The following SLC25A25 variants were observed in gnomAD, a reference collection of about 807,000 sequenced individuals.
SLC25A25 encodes mitochondrial adenyl nucleotide antiporter SLC25A25.
In SLC25A25, 32 loss-of-function variants were observed where a neutral mutation model predicts 57.7. The ratio of observed to expected loss-of-function variants is 0.55; its 90% CI spans 0.42 to 0.74. The LOEUF is 0.74. SLC25A25 is among the 30% of genes least tolerant of loss of function. The pLI is 0.00. For missense variants in SLC25A25, 556 were observed against 701.3 expected (o/e 0.79, Z 2.34); for synonymous variants, 306 against 291.2 (o/e 1.05, Z -0.52).
chr9:128,098,964 C>T (rs1019954829), intron 1 of SLC25A25: 1 of 985,286 alleles, frequency 1.0e-6, no homozygotes, highest in African/African-American at 1.7e-5. Context: ...AATGGACTTT[C>T]AGAAAGGAAA....
chr9:128,069,918 ATTTTTTT>A (rs758820179), intron 1 of SLC25A25, among the ~76,000 whole-genome samples: 3 of 103,060 alleles, frequency 2.9e-5, no homozygotes, highest in African/African-American at 1.3e-4. Flanking sequence ...CACCCAGCTA[ATTTTTTT>A]TTTTTTTTTT....
intron 1 of SLC25A25, among the ~76,000 whole-genome samples, chr9:128,092,536 G>C (rs144943583): frequency 2.1e-4 from 32 of 152,230 alleles, no homozygotes; most frequent in Admixed American, 1.6e-3. Flanking sequence ...CCCTTGCCTG[G>C]GTCCGACCCA....
intron 1 of SLC25A25, chr9:128,090,871 A>G (rs1833387964): frequency 6.6e-6 from 1 of 152,242 alleles, no homozygotes; most frequent in Non-Finnish European, 1.5e-5. Flanking sequence ...TCAGCGAGGA[A>G]TGACAGTAGC....
chr9:128,106,176 G>A lies in SLC25A25; in HGVS notation c.963G>A (p.Gln321=). The stretch of plus-strand genomic sequence containing the variant: ...TCAAGCGCCTTGTTGGTAGTGACCA[G>A]GAGACTCTGAGGATTCACGAGAGGC... The part of the protein sequence containing the change: ...EQIKRLVGSD[Q]ETLRIHERLV... The change falls in exon 8 of 11, where the codon CAG becomes CAA. Residue 321 remains glutamine, a synonymous_variant. Coordinates refer to ENST00000373069, the MANE Select transcript of SLC25A25 (RefSeq NM_001330988.2). The A allele has an allele frequency of 6.2e-7, 1 of 1,614,254 alleles. No homozygotes were observed.
rs1588785275 is a variant in SLC25A25 at position 128,101,973 on chromosome 9, G to A, written c.477-107G>A. On this transcript the variant is annotated intron_variant, in intron 3 of 10. Transcript: ENST00000373069. The surrounding 1 kb of genome is among the most constrained non-coding windows in gnomAD (Gnocchi z 4.9). Reference sequence around the variant, plus strand: ...TGCTGTGGCGGGCTCGTCTCGTGCCGTGCTGTGCCCCTGTCTCTGGGTGTG... The same window carrying A: ...TGCTGTGGCGGGCTCGTCTCGTGCCATGCTGTGCCCCTGTCTCTGGGTGTG... 28 of 1,306,820 alleles carry A rather than the reference G, an allele frequency of 2.1e-5. No homozygotes were observed. The highest frequency in any genetic ancestry group is 1.0e-4 in the East Asian group (4 of 39,766). 81.0% of individuals were successfully genotyped at this position (1,306,820 alleles called of 1,614,324 possible).
At chr9:128,075,096 C>T (rs1413181181) in intron 1 of SLC25A25, among the ~76,000 whole-genome samples, 1 of 152,182 alleles carries the variant, frequency 6.6e-6, no homozygotes, top group Non-Finnish European at 1.5e-5. Flanking sequence ...AAGATCACGC[C>T]ACTGCACTCC....
chr9:128,092,021 A>G (rs1833423351), intron 1 of SLC25A25: 6 of 1,614,000 alleles, frequency 3.7e-6, no homozygotes, highest in Non-Finnish European at 5.1e-6. Context: ...ACAGGACGGA[A>G]GGGCTGAGGC....
chr9:128,091,073 G>C (rs1489470227), intron 1 of SLC25A25: 1 of 152,282 alleles, frequency 6.6e-6, no homozygotes, highest in African/African-American at 2.4e-5. Context: ...AGTAGCTGCT[G>C]TGATGTGGCA....
intron 1 of SLC25A25, among the ~76,000 whole-genome samples, chr9:128,073,065 T>C (rs975588715): frequency 5.3e-5 from 8 of 152,138 alleles, no homozygotes; most frequent in African/African-American, 1.9e-4. Context: ...AGTAAGCAAG[T>C]CAGTAAAATG....
intron 9 of SLC25A25, among the ~76,000 whole-genome samples, 197 bp downstream of exon 9, chr9:128,106,717 C>T (rs976763202): frequency 6.6e-6 from 1 of 152,178 alleles, no homozygotes; most frequent in Non-Finnish European, 1.5e-5. Flanking sequence ...GAGCCCTGCA[C>T]CCAGGCTCTG....
chr9:128,081,562 C>T (rs771338556), intron 1 of SLC25A25, among the ~76,000 whole-genome samples: 2 of 152,018 alleles, frequency 1.3e-5, no homozygotes, highest in Non-Finnish European at 2.9e-5. Flanking sequence ...ATACCATATT[C>T]ACCCCCTGCT....
chr9:128,086,454 C>T (rs1046680389), intron 1 of SLC25A25, among the ~76,000 whole-genome samples: 10 of 151,890 alleles, frequency 6.6e-5, no homozygotes, highest in African/African-American at 2.4e-4. Context: ...CTGCCTCAGC[C>T]TCCAAAGTAG....
chr9:128,102,403 G>T lies in SLC25A25; in HGVS notation c.546G>T (p.Trp182Cys). The T allele has an allele frequency of 6.2e-7, 1 of 1,613,998 alleles. No homozygotes were observed. The highest frequency in any genetic ancestry group is 8.5e-7 in the Non-Finnish European group (1 of 1,179,968). Residue 182 changes from tryptophan (W) to cysteine (C), a missense_variant, in exon 5 of 11, where the codon TGG becomes TGT. Transcript: ENST00000373069. The surrounding 1 kb of genome is among the most constrained non-coding windows in gnomAD (Gnocchi z 4.1). ...MDKNGTMTID[W>C]NEWRDYHLLH... ...AAAACGGCACGATGACCATTGACTG[G>T]AACGAGTGGAGAGACTACCACCTCC...
In SLC25A25 at chr9:128,099,317, A is replaced by G; in HGVS notation, c.262-1779A>G. ...GGGGGATTTGCAGATCCAAGGAAGG[A>G]GACAGAAGGAGGCCCAGGCCCTGTG... On this transcript the variant is annotated intron_variant, in intron 1 of 10. Transcript: ENST00000373069. The surrounding 1 kb of genome is among the most constrained non-coding windows in gnomAD (Gnocchi z 6.8). 7.9e-7 allele frequency: 1 copy of G among 1,273,380 alleles called. No individual in the cohort carries two copies. The highest frequency in any genetic ancestry group is 2.2e-4 in the Middle Eastern group (1 of 4,608). 78.9% of individuals were successfully genotyped at this position (1,273,380 alleles called of 1,614,324 possible).
chr9:128,086,723 G>T (rs947973807), intron 1 of SLC25A25, among the ~76,000 whole-genome samples: 1 of 151,920 alleles, frequency 6.6e-6, no homozygotes, highest in African/African-American at 2.4e-5. Flanking sequence ...CAATCCTCCC[G>T]CCTCAGCCTC....
chr9:128,092,007 G>A, intron 1 of SLC25A25: 1 of 1,614,006 alleles, frequency 6.2e-7, no homozygotes, highest in South Asian at 1.1e-5. Context: ...AGCTTTTTGG[G>A]GAAACAGGAC....
At chr9:128,090,550 C>T (rs1833378616) in intron 1 of SLC25A25, among the ~76,000 whole-genome samples, 3 of 151,954 alleles carry the variant, frequency 2.0e-5, no homozygotes, top group South Asian at 4.2e-4. Context: ...GTGGCTCGCT[C>T]CTGTAATCCC....
Position 128,095,341 on chromosome 9 carries a change from CT to C in SLC25A25, c.262-5752del, listed in dbSNP as rs1337227837. ...AAGGCCCTGCCCTGCCCTTGACAGG[CT>C]TTGGGAATTGGGCAAATCAGGTCGC... On this transcript the variant is annotated intron_variant, in intron 1 of 10. Coordinates refer to ENST00000373069, the MANE Select transcript of SLC25A25 (RefSeq NM_001330988.2). The surrounding 1 kb of genome is among the most constrained non-coding windows in gnomAD (Gnocchi z 4.4). Among the ~76,000 whole-genome samples the C allele has an allele frequency of 6.6e-6, 1 of 152,166 alleles. No homozygotes were observed. Among genetic ancestry groups the C allele is most frequent in the Admixed American group, 6.5e-5 (1 of 15,280 alleles).
At position 128,107,307 on chromosome 9, in the gene SLC25A25, C is replaced by T. The variant is rs1319658460; in HGVS notation, c.1411C>T (p.His471Tyr). The change falls in exon 11 of 11, where the codon CAT becomes TAT. Residue 471 changes from histidine to tyrosine, a missense_variant. By Grantham distance (83) the His-to-Tyr change is moderately conservative. Coordinates refer to ENST00000373069, the MANE Select transcript of SLC25A25 (RefSeq NM_001330988.2). ...GGTGACCATGAGCAGCCTCTTCAAA[C>T]ATATCCTGCGGACCGAGGGGGCCTT... The part of the protein sequence containing the change: ...PEVTMSSLFK[H>Y]ILRTEGAFGL... 1 of 1,566,500 alleles carries T rather than the reference C, an allele frequency of 6.4e-7. No homozygotes were observed. The highest frequency in any genetic ancestry group is 2.3e-5 in the East Asian group (1 of 44,256).
Sources: gnomAD v4.1 joint callset for allele counts (sites outside exome capture counted in the v4.1 genomes callset) on GRCh38, gnomAD v4.1.1 for gene constraint, Gnocchi (gnomAD v3.1) non-coding constraint, MANE v1.5 for transcripts, NCBI Gene and HGNC (gene_info 2026-07-23, HGNC 2026-07-21) for gene names.